SLC24A2: variants seen among roughly 807,000 people sequenced by gnomAD.
SLC24A2 encodes sodium/potassium/calcium exchanger 2.
In SLC24A2, 36 loss-of-function variants were observed where a neutral mutation model predicts 62.0. That is an observed-to-expected ratio of 0.58 (90% CI 0.44 to 0.77). The LOEUF (loss-of-function observed/expected upper bound fraction) is 0.77. SLC24A2 is among the 30% of genes least tolerant of loss of function. The probability of loss-of-function intolerance (pLI) is 0.00; values close to 1 mark genes in which losing one functional copy is unlikely to be tolerated. For synonymous variants in SLC24A2, 358 were observed against 294.0 expected (o/e 1.22, Z -2.23); for missense variants, 846 against 817.9 (o/e 1.03, Z -0.42).
At chr9:20,058,187 T>A in the SLC24A2 span, among the ~76,000 whole-genome samples, 1 of 152,238 alleles carries the variant, frequency 6.6e-6, no homozygotes, top group African/African-American at 2.4e-5. Flanking sequence ...TTTATAGTTA[T>A]GGTTTGGCTG....
chr9:19,649,915 A>G (rs924623779), intron 2 of SLC24A2, among the ~76,000 whole-genome samples: 2 of 152,224 alleles, frequency 1.3e-5, no homozygotes, highest in Admixed American at 6.5e-5. Context: ...GTTGCTAGCT[A>G]TTCTATTCAG....
the SLC24A2 span, among the ~76,000 whole-genome samples, chr9:20,106,864 G>A: frequency 2.0e-5 from 3 of 152,132 alleles, no homozygotes; most frequent in Admixed American, 6.5e-5. Flanking sequence ...TTAGGCAGGA[G>A]AAGGAAATAA....
chr9:20,224,380 T>TACA, the SLC24A2 span, among the ~76,000 whole-genome samples: 1 of 151,972 alleles, frequency 6.6e-6, no homozygotes, highest in Non-Finnish European at 1.5e-5. Context: ...AAATTCAATT[T>TACA]ACAACAGTAA....
At chr9:20,102,826 G>C in the SLC24A2 span, among the ~76,000 whole-genome samples, 1 of 152,132 alleles carries the variant, frequency 6.6e-6, no homozygotes, top group African/African-American at 2.4e-5. Flanking sequence ...ATCTCACTAG[G>C]GAGTGCCAGA....
chr9:20,048,858 C>G, the SLC24A2 span, among the ~76,000 whole-genome samples: 1 of 151,662 alleles, frequency 6.6e-6, no homozygotes, highest in East Asian at 1.9e-4. Flanking sequence ...CACCCCCATC[C>G]TATTTTTAAC....
chr9:20,179,622 G>A, the SLC24A2 span, among the ~76,000 whole-genome samples: 1 of 152,150 alleles, frequency 6.6e-6, no homozygotes, highest in Admixed American at 6.6e-5. Flanking sequence ...AAAGGAAGAA[G>A]GAAAGGGAAG....
chr9:19,924,446 C>T, the SLC24A2 span, among the ~76,000 whole-genome samples: 1 of 152,188 alleles, frequency 6.6e-6, no homozygotes, highest in South Asian at 2.1e-4. Context: ...TCTTGACTTA[C>T]ACCCCTTGTG....
the SLC24A2 span, among the ~76,000 whole-genome samples, chr9:20,139,132 T>C: frequency 6.6e-6 from 1 of 152,222 alleles, no homozygotes; most frequent in East Asian, 1.9e-4. Flanking sequence ...TTGGGTTTTT[T>C]TGCCATTTTG....
the SLC24A2 span, among the ~76,000 whole-genome samples, chr9:19,976,043 A>G: frequency 6.6e-6 from 1 of 152,070 alleles, no homozygotes; most frequent in Non-Finnish European, 1.5e-5. Flanking sequence ...CACCCAGCTA[A>G]TTTTTAAATT....
the SLC24A2 span, among the ~76,000 whole-genome samples, chr9:20,056,555 G>A: frequency 1.3e-5 from 2 of 152,160 alleles, no homozygotes; most frequent in Non-Finnish European, 2.9e-5. Flanking sequence ...TACGTAATAA[G>A]CACTAGAATT....
chr9:19,528,517 G>C lies in SLC24A2; in HGVS notation c.1480-379C>G, dbSNP rs867341822. ...CCTCCTTTTTCTTTCTTTTGCTCCA[G>C]AGTTTGTCAGAATCAGTTTCTATTG... On this transcript the variant is annotated intron_variant, in intron 8 of 10. Coordinates refer to ENST00000341998, the MANE Select transcript of SLC24A2 (RefSeq NM_020344.4). Among the ~76,000 whole-genome samples, 2 of 152,070 alleles carry C rather than the reference G, an allele frequency of 1.3e-5. 1 individual carries two copies. The highest frequency in any genetic ancestry group is 6.8e-3 in the Middle Eastern group (2 of 294).
chr9:20,047,230 C>A, the SLC24A2 span, among the ~76,000 whole-genome samples: 274 of 152,230 alleles, frequency 1.8e-3, 1 homozygote, highest in African/African-American at 6.1e-3. Context: ...GTCAAGTTGC[C>A]TGGACCTAAA....
the SLC24A2 span, among the ~76,000 whole-genome samples, chr9:20,279,489 C>G: frequency 6.8e-4 from 104 of 152,288 alleles, no homozygotes; most frequent in Non-Finnish European, 1.1e-3. Context: ...TGAGATCACG[C>G]CATTGCACTC....
At chr9:20,077,537 G>A in the SLC24A2 span, among the ~76,000 whole-genome samples, 1 of 151,698 alleles carries the variant, frequency 6.6e-6, no homozygotes, top group African/African-American at 2.4e-5. Flanking sequence ...TTAGTCCCAA[G>A]AGAAGACCAG....
At chr9:20,131,912 CTG>C in the SLC24A2 span, among the ~76,000 whole-genome samples, 5 of 152,082 alleles carry the variant, frequency 3.3e-5, no homozygotes, top group Non-Finnish European at 7.4e-5. Flanking sequence ...ATAATTGTGA[CTG>C]TGCTTTGGGA....
At chr9:20,164,558 T>C in the SLC24A2 span, among the ~76,000 whole-genome samples, 4 of 150,530 alleles carry the variant, frequency 2.7e-5, no homozygotes, top group East Asian at 4.0e-4. Context: ...AGTTCAACCA[T>C]TGTGGAAGTC....
At chr9:20,224,266 T>A in the SLC24A2 span, among the ~76,000 whole-genome samples, 1 of 151,602 alleles carries the variant, frequency 6.6e-6, no homozygotes, top group Non-Finnish European at 1.5e-5. Context: ...AGGTAGAATG[T>A]CTTTATGTCT....
intron 6 of SLC24A2, 92 bp downstream of exon 6, chr9:19,576,832 C>A: frequency 1.1e-6 from 1 of 899,034 alleles, no homozygotes; most frequent in Non-Finnish European, 1.9e-6. Context: ...TGTGTGTCTG[C>A]ACTGAGTCAG....
At chr9:19,856,787 G>GC in the SLC24A2 span, among the ~76,000 whole-genome samples, 4 of 152,304 alleles carry the variant, frequency 2.6e-5, no homozygotes, top group South Asian at 8.3e-4. Context: ...TCCAGGATCT[G>GC]CTTAACAAAG....
Sources: allele counts gnomAD v4.1 joint callset (sites outside exome capture counted in the v4.1 genomes callset), GRCh38; gene constraint gnomAD v4.1.1; transcripts MANE v1.5; gene names NCBI Gene and HGNC (gene_info 2026-07-23, HGNC 2026-07-21).